The following GREM2 variants were observed in gnomAD, a reference collection of about 807,000 sequenced individuals.
The protein encoded by GREM2 is gremlin-2.
GREM2 carries 11 observed loss-of-function variants against 14.2 expected under a neutral mutation model. That is an observed-to-expected ratio of 0.78 (90% confidence interval 0.49 to 1.28). The LOEUF (loss-of-function observed/expected upper bound fraction) is 1.28, where lower values mean the gene tolerates loss of function less well. Ranked by LOEUF, GREM2 falls within the 50% of genes most tolerant of loss-of-function variation. GREM2 has a pLI of 0.00. For missense variants in GREM2, 210 were observed against 218.5 expected, an observed-to-expected ratio of 0.96 and a Z score of 0.24; for synonymous variants, 98 against 97.6, an observed-to-expected ratio of 1.00 and a Z score of -0.02.
intron 1 of GREM2, among the ~76,000 whole-genome samples, chr1:240,536,560 T>C (rs1454911919): frequency 1.3e-5 from 2 of 151,994 alleles, no homozygotes; most frequent in Non-Finnish European, 2.9e-5. Context: ...GTGAAAAATA[T>C]GGGTCAGGAG....
intron 1 of GREM2, among the ~76,000 whole-genome samples, chr1:240,510,323 T>C (rs1430105522): frequency 8.2e-6 from 1 of 121,526 alleles, no homozygotes; most frequent in Non-Finnish European, 1.6e-5. Context: ...TGAGCAGAGA[T>C]CGCGCCACTG....
At position 240,490,172 on chromosome 1, in the gene GREM2, G is replaced by C. The variant is rs1677214992; in HGVS notation, c.*2797C>G. 1 of 152,250 alleles carries C rather than the reference G, an allele frequency of 6.6e-6. No homozygotes were observed. The allele number at this position is 152,250 out of a possible 1,614,324, so 9.4% of individuals were successfully genotyped here. On this transcript the variant is annotated 3_prime_UTR_variant, in exon 2 of 2. Coordinates refer to ENST00000318160, the MANE Select transcript of GREM2 (RefSeq NM_022469.4). ...CTAACAGTGGACTTCCATTGCTGCA[G>C]TTTCTCAAGGTTTCCTTGTTTAGTG...
intron 1 of GREM2, among the ~76,000 whole-genome samples, chr1:240,604,155 C>T (rs550576545): frequency 4.9e-4 from 75 of 151,894 alleles, no homozygotes; most frequent in African/African-American, 1.6e-3. Flanking sequence ...CACTCATTAC[C>T]GTGGGGAGGG....
At position 240,589,327 on chromosome 1, in the gene GREM2, C is replaced by T. The variant is rs188573035; in HGVS notation, c.-2+22557G>A. On this transcript the variant is annotated intron_variant, in intron 1 of 1. Transcript: ENST00000318160. Reference sequence around the variant, plus strand: ...GCTCATGCCTGTAATCCCAGCTACTCGGGGGTCTGAGGGAGAAGAACCGCT... The same window carrying T: ...GCTCATGCCTGTAATCCCAGCTACTTGGGGGTCTGAGGGAGAAGAACCGCT... Among the ~76,000 whole-genome samples the T allele has an allele frequency of 3.2e-3, 481 of 151,348 alleles. 5 individuals are homozygous for T. Among genetic ancestry groups the T allele is most frequent in the African/African-American group, 0.011 (444 of 41,284 alleles).
intron 1 of GREM2, among the ~76,000 whole-genome samples, chr1:240,561,435 C>T (rs1572399270): frequency 6.6e-6 from 1 of 152,120 alleles, no homozygotes; most frequent in African/African-American, 2.4e-5. Context: ...ATTTCCACTA[C>T]ATTTTATTTG....
chr1:240,579,420 T>G (rs1437676433), intron 1 of GREM2, among the ~76,000 whole-genome samples: 2 of 152,216 alleles, frequency 1.3e-5, no homozygotes, highest in East Asian at 3.9e-4. Flanking sequence ...TACTCTCTGC[T>G]TCTTCATCTA....
At chr1:240,576,911 A>G (rs7550470) in intron 1 of GREM2, among the ~76,000 whole-genome samples, 30,336 of 152,122 alleles carry the variant, frequency 0.2, 3,183 homozygotes, top group South Asian at 0.31. Context: ...AGAAAGCAGT[A>G]TATGATAAGA....
intron 1 of GREM2, among the ~76,000 whole-genome samples, chr1:240,547,166 C>T (rs1429086565): frequency 6.6e-6 from 1 of 151,910 alleles, no homozygotes; most frequent in Non-Finnish European, 1.5e-5. Flanking sequence ...AGCCCAGTTA[C>T]AAAAGAAGGA....
intron 1 of GREM2, among the ~76,000 whole-genome samples, chr1:240,511,644 T>C (rs1005918205): frequency 6.6e-6 from 1 of 152,024 alleles, no homozygotes; most frequent in Non-Finnish European, 1.5e-5. Context: ...TCCCAGCTAC[T>C]TGGGAGGCTG....
At chr1:240,590,455 G>A (rs1178553657) in intron 1 of GREM2, among the ~76,000 whole-genome samples, 1 of 144,606 alleles carries the variant, frequency 6.9e-6, no homozygotes, top group African/African-American at 2.6e-5. Flanking sequence ...TTGAGATAGA[G>A]TTTCGTTCTT....
chr1:240,493,590 GT>G, intron 1 of GREM2, 114 bp from the exon 2 acceptor site: 1 of 1,254,754 alleles, frequency 8.0e-7, no homozygotes, highest in Non-Finnish European at 1.1e-6. Context: ...CCAGGCTGGA[GT>G]GCAGGGGCAC....
intron 1 of GREM2, among the ~76,000 whole-genome samples, chr1:240,501,379 C>G (rs568580923): frequency 1.8e-4 from 27 of 152,254 alleles, no homozygotes; most frequent in African/African-American, 6.5e-4. Context: ...CCAGGAGAAG[C>G]TTAATTTCAT....
intron 1 of GREM2, among the ~76,000 whole-genome samples, chr1:240,500,333 C>T (rs1296842777): frequency 6.6e-6 from 1 of 150,710 alleles, no homozygotes; most frequent in East Asian, 1.9e-4. Flanking sequence ...GAGTCTTGCT[C>T]TGTTGCCCAG....
intron 1 of GREM2, among the ~76,000 whole-genome samples, chr1:240,532,379 C>T (rs200462369): frequency 2.0e-5 from 3 of 152,040 alleles, no homozygotes; most frequent in Non-Finnish European, 2.9e-5. Flanking sequence ...CCAGAGTGCC[C>T]GGCCTTGAAC....
chr1:240,529,731 C>T (rs1447577979), intron 1 of GREM2, among the ~76,000 whole-genome samples: 5 of 151,932 alleles, frequency 3.3e-5, no homozygotes, highest in East Asian at 1.9e-4. Flanking sequence ...CTATAAGTTG[C>T]CCTAAATTTT....
intron 1 of GREM2, among the ~76,000 whole-genome samples, chr1:240,533,374 G>A (rs935071068): frequency 1.3e-5 from 2 of 152,202 alleles, no homozygotes; most frequent in Non-Finnish European, 2.9e-5. Context: ...GTAGGTCTCT[G>A]TAGCTAAAGC....
intron 1 of GREM2, among the ~76,000 whole-genome samples, chr1:240,511,445 A>G (rs187037613): frequency 2.9e-4 from 44 of 152,362 alleles, no homozygotes; most frequent in Non-Finnish European, 5.4e-4. Context: ...GAATATCCAT[A>G]GGCCTTTTAT....
chr1:240,536,618 A>AGCTAC (rs1558153567), intron 1 of GREM2, among the ~76,000 whole-genome samples: 1 of 150,848 alleles, frequency 6.6e-6, no homozygotes, highest in Non-Finnish European at 1.5e-5. Flanking sequence ...AGCCATCTGT[A>AGCTAC]GAGTTTAAGA....
intron 1 of GREM2, among the ~76,000 whole-genome samples, chr1:240,501,289 T>C (rs1300738233): frequency 6.6e-6 from 1 of 152,230 alleles, no homozygotes; most frequent in Non-Finnish European, 1.5e-5. Context: ...CCCACATGAC[T>C]CAGAAGTTTG....
Sources: gnomAD v4.1 joint callset for allele counts (sites outside exome capture counted in the v4.1 genomes callset) on GRCh38, gnomAD v4.1.1 for gene constraint, MANE v1.5 for transcripts, NCBI Gene and HGNC (gene_info 2026-07-23, HGNC 2026-07-21) for gene names.